Variants in BSN observed in about 807,000 individuals in gnomAD.
BSN encodes the protein protein bassoon.
Under a neutral mutation model 264.8 loss-of-function variants are expected in BSN, and 57 were observed. That is an observed-to-expected ratio of 0.22 (90% CI 0.17 to 0.27). The LOEUF (loss-of-function observed/expected upper bound fraction) is 0.27. BSN is among the 10% of genes least tolerant of loss of function. BSN has a pLI of 1.00. For missense variants in BSN, 4,615 were observed against 5,232.5 expected (o/e 0.88, Z 3.64); for synonymous variants, 2,059 against 2,137.3 (o/e 0.96, Z 1.01).
intron 1 of BSN, among the ~76,000 whole-genome samples, chr3:49,621,026 CT>C (rs1199555355): frequency 6.6e-6 from 1 of 152,054 alleles, no homozygotes; most frequent in Admixed American, 6.6e-5. Context: ...TAGTGGCCAG[CT>C]TCAGAAACCA....
rs1210369559 is a variant in BSN at position 49,602,766 on chromosome 3, C to T, written c.225-22209C>T. On this transcript the variant is annotated intron_variant, in intron 1 of 11. Coordinates refer to ENST00000296452, the MANE Select transcript of BSN (RefSeq NM_003458.4). The stretch of plus-strand genomic sequence containing the variant: ...GGCCCTCTCTTTAAATCTCAATTTC[C>T]TCGTCTAGACCTCCAGTGCAGTGCT... 2.6e-5 allele frequency among the ~76,000 whole-genome samples: 4 copies of T among 152,252 alleles called. No individual in the cohort carries two copies. In the East Asian group the frequency reaches 7.7e-4, roughly 29 times the overall value.
chr3:49,590,557 G>A (rs2051970564), intron 1 of BSN, among the ~76,000 whole-genome samples: 1 of 151,686 alleles, frequency 6.6e-6, no homozygotes. Context: ...GGTTGCTTTA[G>A]GGCTTACAAT....
In BSN at chr3:49,664,531, A is replaced by G; in HGVS notation, c.11717A>G (p.Glu3906Gly). Residue 3906 changes from glutamate (E) to glycine (G), a missense_variant, in exon 9 of 12, where the codon GAG (glutamate) becomes GGG (glycine). Glu to Gly is a moderately conservative substitution (Grantham distance 98). This residue lies in a region of BSN where 3,415 missense variants were observed against 3,866.4 expected (regional missense o/e 0.88). Coordinates refer to ENST00000296452, the MANE Select transcript of BSN (RefSeq NM_003458.4). ...FSKILPGGAA[E>G]QAGKLTEAVS... The stretch of plus-strand genomic sequence containing the variant: ...AAGATCCTCCCTGGCGGGGCAGCCG[A>G]GCAAGCTGGCAAACTGACGGAAGGT... 6.2e-7 allele frequency: 1 copy of G among 1,609,222 alleles called. No homozygotes were observed. The highest frequency in any genetic ancestry group is 8.5e-7 in the Non-Finnish European group (1 of 1,177,818).
intron 1 of BSN, among the ~76,000 whole-genome samples, chr3:49,622,694 A>T (rs761683647): frequency 2.0e-5 from 3 of 152,232 alleles, no homozygotes; most frequent in Non-Finnish European, 4.4e-5. Flanking sequence ...TCCAGTCTTA[A>T]ATAATTTATG....
chr3:49,617,232 C>T (rs1440398570), intron 1 of BSN, among the ~76,000 whole-genome samples: 2 of 150,530 alleles, frequency 1.3e-5, no homozygotes, highest in Non-Finnish European at 2.9e-5. Flanking sequence ...CAAACCTGCA[C>T]GTTCTGCACA....
chr3:49,636,798 G>T (rs1237358836), intron 2 of BSN, among the ~76,000 whole-genome samples: 1 of 152,238 alleles, frequency 6.6e-6, no homozygotes, highest in Non-Finnish European at 1.5e-5. Context: ...CTAGCTGACA[G>T]TAAGGTGCTA....
At chr3:49,610,802 A>T (rs2052200634) in intron 1 of BSN, among the ~76,000 whole-genome samples, 1 of 152,148 alleles carries the variant, frequency 6.6e-6, no homozygotes, top group Non-Finnish European at 1.5e-5. Flanking sequence ...GATGCCTCAT[A>T]CACTGGGATG....
At chr3:49,608,514 C>T (rs961420258) in intron 1 of BSN, among the ~76,000 whole-genome samples, 6 of 152,116 alleles carry the variant, frequency 3.9e-5, no homozygotes, top group Admixed American at 6.6e-5. Flanking sequence ...TCAGTCTCAA[C>T]GTCTTTCATA....
Position 49,654,074 on chromosome 3 carries a change from A to G in BSN, c.4518A>G (p.Thr1506=). ...CAAGGGCCACAGCAGAGTTCTCTAC[A>G]CAGACGCCAAGTCCAGCCCCTGCCT... The part of the protein sequence containing the change: ...MGPRATAEFS[T]QTPSPAPASD... Residue 1506 remains threonine, a synonymous_variant, in exon 5 of 12, where the codon ACA becomes ACG. Transcript: ENST00000296452. The surrounding 1 kb of genome is among the most constrained non-coding windows in gnomAD (Gnocchi z 4.1). 6.2e-7 allele frequency: 1 copy of G among 1,613,824 alleles called. No individual in the cohort carries two copies. The highest frequency in any genetic ancestry group is 8.5e-7 in the Non-Finnish European group (1 of 1,179,974).
chr3:49,606,177 ATG>A (rs1412042197), intron 1 of BSN, among the ~76,000 whole-genome samples: 1 of 22,544 alleles, frequency 4.4e-5, no homozygotes, highest in Non-Finnish European at 7.5e-5. Flanking sequence ...TATATTATAT[ATG>A]TATATATATT....
At chr3:49,662,596 T>G in intron 6 of BSN, 34 bp downstream of exon 6, 1 of 1,551,090 alleles carries the variant, frequency 6.4e-7, no homozygotes, top group Non-Finnish European at 8.7e-7. Flanking sequence ...CTGCGGATAC[T>G]CAGCAGCTGG....
intron 1 of BSN, among the ~76,000 whole-genome samples, chr3:49,596,827 G>T (rs1208728017): frequency 6.6e-6 from 1 of 152,056 alleles, no homozygotes; most frequent in Admixed American, 6.5e-5. Context: ...CACCTGGATT[G>T]CTGAAACTTT....
intron 1 of BSN, among the ~76,000 whole-genome samples, chr3:49,612,320 A>G (rs2052215160): frequency 1.3e-5 from 2 of 152,130 alleles, no homozygotes; most frequent in Admixed American, 1.3e-4. Context: ...TATTTTTAGC[A>G]GAGATGGGGT....
chr3:49,645,662 GAGGCCCCTAACC>G (rs1224115464), intron 3 of BSN, among the ~76,000 whole-genome samples: 1 of 152,326 alleles, frequency 6.6e-6, no homozygotes, highest in African/African-American at 2.4e-5. Context: ...TTTCTTCACT[GAGGCCCCTAACC>G]AGGCTGTGGT....
chr3:49,638,571 G>A lies in BSN; in HGVS notation c.634-3697G>A, dbSNP rs971262183. On this transcript the variant is annotated intron_variant, in intron 2 of 11. Coordinates refer to ENST00000296452, the MANE Select transcript of BSN (RefSeq NM_003458.4). This position sits in a 1 kb window ranked among gnomAD's most constrained non-coding sequence, Gnocchi z 4.3. ...CTGGGAGGGGCTGTGGGGAGGGTGC[G>A]GTCAAGGTTCCTTACCGTCTGGAAG... Among the ~76,000 whole-genome samples the A allele has an allele frequency of 2.0e-5, 3 of 152,196 alleles. No homozygotes were observed. The highest frequency in any genetic ancestry group is 2.4e-5 in the African/African-American group (1 of 41,436).
chr3:49,609,232 G>A (rs2108043917), intron 1 of BSN, among the ~76,000 whole-genome samples: 1 of 151,122 alleles, frequency 6.6e-6, no homozygotes, highest in South Asian at 2.1e-4. Context: ...CTCTCAAGAA[G>A]CTGGGACCAC....
chr3:49,647,309 A>G (rs570556449), intron 3 of BSN, among the ~76,000 whole-genome samples: 2 of 152,282 alleles, frequency 1.3e-5, no homozygotes, highest in African/African-American at 4.8e-5. Flanking sequence ...CTTTACCCTA[A>G]ATAGTGATGC....
At chr3:49,637,052 G>A (rs1399430239) in intron 2 of BSN, among the ~76,000 whole-genome samples, 6 of 152,236 alleles carry the variant, frequency 3.9e-5, no homozygotes, top group African/African-American at 1.4e-4. Context: ...GCACCTGCAG[G>A]GAGGGCTCCT....
intron 1 of BSN, among the ~76,000 whole-genome samples, chr3:49,594,775 T>A (rs1019089250): frequency 2.6e-5 from 4 of 152,212 alleles, no homozygotes; most frequent in Non-Finnish European, 5.9e-5. Context: ...AGAATGAACA[T>A]CTTTTCTACA....
Sources: gnomAD v4.1 joint callset for allele counts (sites outside exome capture counted in the v4.1 genomes callset) on GRCh38, gnomAD v4.1.1 for gene constraint, gnomAD v4.1.1 regional missense constraint, Gnocchi (gnomAD v3.1) non-coding constraint, MANE v1.5 for transcripts, NCBI Gene and HGNC (gene_info 2026-07-23, HGNC 2026-07-21) for gene names.